CACNA1C: variants seen among roughly 807,000 people sequenced by gnomAD.
CACNA1C encodes voltage-dependent L-type calcium channel subunit alpha-1C.
CACNA1C carries 30 observed loss-of-function variants against 229.0 expected under a neutral mutation model. The ratio of observed to expected loss-of-function variants is 0.13; its 90% CI spans 0.10 to 0.18. The LOEUF (loss-of-function observed/expected upper bound fraction) is 0.18. Among genes scored for constraint, CACNA1C ranks in the 10% least tolerant of loss-of-function variants. The pLI, the probability that CACNA1C is intolerant of heterozygous loss-of-function variation, is 1.00. For synonymous variants in CACNA1C, 1,114 were observed against 1,132.5 expected, an observed-to-expected ratio of 0.98 and a Z score of 0.33; for missense variants, 1,658 against 2,845.0, an observed-to-expected ratio of 0.58 and a Z score of 9.49.
At chr12:1,983,498 T>C (rs758605085) in intron 1 of CACNA1C, among the ~76,000 whole-genome samples, 28 of 152,174 alleles carry the variant, frequency 1.8e-4, no homozygotes, top group Admixed American at 1.2e-3. Context: ...TTCAGAAGTA[T>C]GCTGTTTAAT....
Position 2,160,026 on chromosome 12 carries a change from C to T in CACNA1C, c.477+39596C>T, listed in dbSNP as rs141654605. 2.0e-3 allele frequency among the ~76,000 whole-genome samples: 299 copies of T among 152,284 alleles called. 9 individuals carry two copies. In the East Asian group the frequency reaches 0.051, roughly 26 times the overall value. On this transcript the variant is annotated intron_variant, in intron 3 of 46. Coordinates refer to ENST00000399655, the MANE Select transcript of CACNA1C (RefSeq NM_000719.7). ...GGCAATTTCTTTTCTCCTTATTTCCCCTTGTTTTCATTGCTCCTGTTCTGG... is the reference window on the plus strand; with the variant it reads ...GGCAATTTCTTTTCTCCTTATTTCCTCTTGTTTTCATTGCTCCTGTTCTGG...
Position 2,691,466 on chromosome 12 carries a change from G to A in CACNA1C, c.*267G>A, listed in dbSNP as rs752736296. 2.1e-5 allele frequency: 8 copies of A among 372,564 alleles called. No homozygotes were observed. In the East Asian group the frequency reaches 2.8e-4, roughly 13 times the overall value. The allele number at this position is 372,564 out of a possible 1,614,324, so 23.1% of individuals were successfully genotyped here. A position where few individuals can be genotyped will look rare whatever the true frequency, so the allele number is the denominator to read the frequency against. Reference sequence around the variant, plus strand: ...TGCCCTCTCCCAGCTCGCAGGCCCCGGGCCCGGCCGCGCCTCCGCGGGGAG... The same window carrying A: ...TGCCCTCTCCCAGCTCGCAGGCCCCAGGCCCGGCCGCGCCTCCGCGGGGAG... On this transcript the variant is annotated 3_prime_UTR_variant, in exon 47 of 47. Transcript: ENST00000399655.
intron 3 of CACNA1C, among the ~76,000 whole-genome samples, chr12:2,227,003 G>T (rs2239031): frequency 0.081 from 12,312 of 152,226 alleles, 837 homozygotes; most frequent in East Asian, 0.29. Context: ...TATTGCTGCC[G>T]TTACTGCTGA....
rs764879260 is a variant in CACNA1C, at chr12:2,120,692, G to GTGTGTGTGTGTGTGTGTT, written c.477+267_477+268insGTGTGTGTGTGTTTGTGT. On this transcript the variant is annotated intron_variant, in intron 3 of 46. Coordinates refer to ENST00000399655, the MANE Select transcript of CACNA1C (RefSeq NM_000719.7). The stretch of plus-strand genomic sequence containing the variant: ...TGTGTGTGTGTGTGTGTGTGTGTGT[G>GTGTGTGTGTGTGTGTGTT]TGTGTTTAGTAGCAAATCCCGTGAC... 8.2e-3 allele frequency among the ~76,000 whole-genome samples: 1,233 copies of GTGTGTGTGTGTGTGTGTT among 150,554 alleles called. 5 individuals carry two copies. Among genetic ancestry groups the GTGTGTGTGTGTGTGTGTT allele is most frequent in the South Asian group, 0.019 (90 of 4,764 alleles).
intron 3 of CACNA1C, among the ~76,000 whole-genome samples, chr12:2,422,640 CT>C (rs1400841094): frequency 6.6e-6 from 1 of 152,220 alleles, no homozygotes; most frequent in Non-Finnish European, 1.5e-5. Flanking sequence ...CTCTTTAGCT[CT>C]CTAAAGTGCC....
chr12:2,106,513 G>GCGTCC (rs2078712781), intron 1 of CACNA1C, among the ~76,000 whole-genome samples: 1 of 105,990 alleles, frequency 9.4e-6, no homozygotes, highest in African/African-American at 3.7e-5. Flanking sequence ...CCTCAGCTGG[G>GCGTCC]TGTCCTGAAG....
chr12:2,537,576 G>A (rs538454600), intron 9 of CACNA1C, among the ~76,000 whole-genome samples: 1 of 152,222 alleles, frequency 6.6e-6, no homozygotes, highest in South Asian at 2.1e-4. Context: ...GAGGAGGATT[G>A]GGGGTGCAAA....
chr12:2,605,263 C>A lies in CACNA1C; in HGVS notation c.3048+95C>A. 1 of 841,210 alleles carries A rather than the reference C, an allele frequency of 1.2e-6. No homozygotes were observed. 52.1% of individuals were successfully genotyped at this position (841,210 alleles called of 1,614,324 possible). A position where few individuals can be genotyped will look rare whatever the true frequency, so the allele number is the denominator to read the frequency against. On this transcript the variant is annotated intron_variant, in intron 23 of 46. Coordinates refer to ENST00000399655, the MANE Select transcript of CACNA1C (RefSeq NM_000719.7). This position sits in a 1 kb window ranked among gnomAD's most constrained non-coding sequence, Gnocchi z 6.2. ...GGGTGGGTTGGAAGGAGATGATGGTCAGACCAAGTGGCTGCCATGTGGGGT... is the reference window on the plus strand; with the variant it reads ...GGGTGGGTTGGAAGGAGATGATGGTAAGACCAAGTGGCTGCCATGTGGGGT...
chr12:2,194,090 AG>A (rs1598704691), intron 3 of CACNA1C, among the ~76,000 whole-genome samples: 2 of 152,102 alleles, frequency 1.3e-5, no homozygotes, highest in East Asian at 3.9e-4. Flanking sequence ...ATGCAGCCCA[AG>A]ATTACCTGCC....
chr12:2,550,901 G>A (rs528371031), intron 10 of CACNA1C, among the ~76,000 whole-genome samples: 16 of 152,352 alleles, frequency 1.1e-4, no homozygotes, highest in Non-Finnish European at 1.3e-4. Flanking sequence ...TCCAGGGAGC[G>A]TGGAGCTTCA....
At position 2,610,557 on chromosome 12, in the gene CACNA1C, A is replaced by G; in HGVS notation, c.3575A>G (p.Tyr1192Cys). The change falls in exon 28 of 47, where the codon TAC becomes TGC. Residue 1192 changes from tyrosine to cysteine, a missense_variant. This residue lies in a region of CACNA1C where 67 missense variants were observed against 106.4 expected (regional missense o/e 0.63). Transcript: ENST00000399655. ...CCCTCCCAGCGACAGTGCGTGGAAT[A>G]CGCCCTCAAGGCCCGGCCCCTGCGG... is the stretch of plus-strand genomic sequence containing the variant. ...LDKNQRQCVEYALKARPLRRY... is the reference protein window; with the variant it reads ...LDKNQRQCVECALKARPLRRY... 1 of 1,613,782 alleles carries G rather than the reference A, an allele frequency of 6.2e-7. No homozygotes were observed. The highest frequency in any genetic ancestry group is 8.5e-7 in the Non-Finnish European group (1 of 1,179,780).
intron 1 of CACNA1C, among the ~76,000 whole-genome samples, chr12:1,986,528 G>A (rs2037834928): frequency 6.6e-6 from 1 of 152,198 alleles, no homozygotes; most frequent in Non-Finnish European, 1.5e-5. Flanking sequence ...TCAGGTGCCT[G>A]TGCTACCACC....
intron 3 of CACNA1C, among the ~76,000 whole-genome samples, chr12:2,170,057 T>A (rs949286719): frequency 2.0e-5 from 3 of 152,170 alleles, no homozygotes; most frequent in African/African-American, 7.2e-5. Context: ...CCTGGTTTTT[T>A]CCACTCCTTT....
intron 43 of CACNA1C, among the ~76,000 whole-genome samples, chr12:2,684,137 G>A (rs2153827019): frequency 6.6e-6 from 1 of 152,326 alleles, no homozygotes; most frequent in South Asian, 2.1e-4. Flanking sequence ...GCTTCCTGGG[G>A]TCCAGTGCTT....
intron 5 of CACNA1C, among the ~76,000 whole-genome samples, chr12:2,468,613 C>T (rs532485190): frequency 4.6e-5 from 7 of 152,336 alleles, no homozygotes; most frequent in Middle Eastern, 3.4e-3. Flanking sequence ...GGCTGTAGGG[C>T]GCCCTGCCTG....
intron 42 of CACNA1C, chr12:2,680,332 T>C: frequency 1.4e-6 from 2 of 1,476,368 alleles, no homozygotes; most frequent in East Asian, 2.5e-5. Context: ...ACTCACTCTT[T>C]TCTCCTTGTC....
chr12:2,207,673 G>C (rs906433251), intron 3 of CACNA1C, among the ~76,000 whole-genome samples: 2 of 152,052 alleles, frequency 1.3e-5, no homozygotes, highest in Non-Finnish European at 2.9e-5. Flanking sequence ...AATTAGTCAG[G>C]TGTGGTGGTG....
chr12:2,593,240 T>C lies in CACNA1C; in HGVS notation c.2558T>C (p.Met853Thr). The change falls in exon 19 of 47, where the codon ATG becomes ACG. Residue 853 changes from methionine (M) to threonine (T), a missense_variant. Around this residue, in one of 20 missense-constraint regions of CACNA1C, gnomAD observed 121 missense variants for 128.8 expected, o/e 0.94. Transcript: ENST00000399655. ...TGEEDEEEPE[M>T]PVGPRPRPLS... ...GAAGAGGATGAGGAGGAGCCAGAGA[T>C]GCCTGTCGGCCCTCGCCCACGACCA... is the stretch of plus-strand genomic sequence containing the variant. The C allele has an allele frequency of 6.2e-7, 1 of 1,613,816 alleles. No homozygotes were observed. Among genetic ancestry groups the C allele is most frequent in the Non-Finnish European group, 8.5e-7 (1 of 1,179,810 alleles).
chr12:2,572,727 T>TCCTTC (rs2056512337), intron 13 of CACNA1C, among the ~76,000 whole-genome samples: 1 of 95,514 alleles, frequency 1.0e-5, no homozygotes, highest in African/African-American at 4.1e-5. Flanking sequence ...CCTCCTCCTC[T>TCCTTC]TCCTCTTCCT....
Sources: allele counts gnomAD v4.1 joint callset (sites outside exome capture counted in the v4.1 genomes callset), GRCh38; gene constraint gnomAD v4.1.1; regional missense constraint gnomAD v4.1.1; non-coding constraint Gnocchi (gnomAD v3.1); transcripts MANE v1.5; gene names NCBI Gene and HGNC (gene_info 2026-07-23, HGNC 2026-07-21).